MTUS1: variants seen among roughly 807,000 people sequenced by gnomAD.
MTUS1 encodes microtubule associated scaffold protein 1.
A neutral mutation model predicts 120.8 loss-of-function variants in MTUS1; 109 were observed. The observed-to-expected ratio is 0.90, with a 90% confidence interval of 0.77 to 1.06. The LOEUF is 1.06. Ranked by LOEUF, MTUS1 falls within the 50% of genes least tolerant of loss-of-function variation. MTUS1 has a pLI of 0.00. For missense variants in MTUS1, 2,210 were observed against 1,486.3 expected, an observed-to-expected ratio of 1.49 and a Z score of -8.01; for synonymous variants, 737 against 550.5, an observed-to-expected ratio of 1.34 and a Z score of -4.74.
chr8:17,666,517 A>AG (rs1227163806), intron 8 of MTUS1, among the ~76,000 whole-genome samples: 2 of 152,196 alleles, frequency 1.3e-5, no homozygotes, highest in African/African-American at 2.4e-5. Flanking sequence ...ACAACATTCT[A>AG]GGCAGCTAGA....
At chr8:17,688,222 T>C (rs1327364283) in intron 6 of MTUS1, among the ~76,000 whole-genome samples, 2 of 152,210 alleles carry the variant, frequency 1.3e-5, no homozygotes, top group African/African-American at 4.8e-5. Flanking sequence ...ACTCATGAAA[T>C]ATATTTATTA....
intron 4 of MTUS1, 122 bp from the exon 5 acceptor site, chr8:17,716,023 T>G (rs1822260176): frequency 3.6e-6 from 3 of 828,960 alleles, no homozygotes; most frequent in African/African-American, 3.4e-5. Context: ...TGCCAGTCAT[T>G]ACTGAACATT....
chr8:17,703,219 G>C (rs67796776), intron 6 of MTUS1, among the ~76,000 whole-genome samples: 69,716 of 151,962 alleles, frequency 0.46, 17,344 homozygotes, highest in Middle Eastern at 0.63. Context: ...CGTGCGAGTA[G>C]GAGAGATATC....
intron 1 of MTUS1, among the ~76,000 whole-genome samples, chr8:17,793,652 A>G (rs986322646): frequency 9.2e-5 from 14 of 152,212 alleles, no homozygotes; most frequent in Non-Finnish European, 1.5e-5. Flanking sequence ...AAAGGTAACT[A>G]AAGATTCTCA....
At chr8:17,690,645 A>T (rs566920569) in intron 6 of MTUS1, among the ~76,000 whole-genome samples, 3 of 152,244 alleles carry the variant, frequency 2.0e-5, no homozygotes, top group Admixed American at 6.5e-5. Context: ...AACAATAAAT[A>T]AAAAGAGAAC....
intron 3 of MTUS1, among the ~76,000 whole-genome samples, chr8:17,731,454 T>C (rs1245235965): frequency 3.9e-5 from 6 of 152,126 alleles, no homozygotes; most frequent in African/African-American, 1.4e-4. Context: ...CAAAGTACCA[T>C]ACAAATATTA....
At chr8:17,726,674 G>A (rs1359093763) in intron 3 of MTUS1, among the ~76,000 whole-genome samples, 2 of 152,110 alleles carry the variant, frequency 1.3e-5, no homozygotes, top group African/African-American at 2.4e-5. Flanking sequence ...ATTAGCAACT[G>A]TTAGATAGCA....
chr8:17,678,599 G>C (rs1337889379), intron 7 of MTUS1, among the ~76,000 whole-genome samples: 2 of 152,124 alleles, frequency 1.3e-5, no homozygotes, highest in Non-Finnish European at 2.9e-5. Flanking sequence ...AGATGGCTCA[G>C]ACGTGTGCTG....
intron 2 of MTUS1, among the ~76,000 whole-genome samples, chr8:17,744,234 G>A (rs927507565): frequency 3.9e-5 from 6 of 152,082 alleles, no homozygotes; most frequent in South Asian, 2.1e-4. Flanking sequence ...CAGATCTTTG[G>A]TCCCAAAGAA....
chr8:17,746,581 AC>A (rs1407718811), intron 2 of MTUS1, among the ~76,000 whole-genome samples: 1 of 152,096 alleles, frequency 6.6e-6, no homozygotes, highest in Admixed American at 6.5e-5. Flanking sequence ...CTTACTCACT[AC>A]CACAAGAACA....
intron 6 of MTUS1, among the ~76,000 whole-genome samples, chr8:17,688,192 A>G (rs750978380): frequency 6.6e-6 from 1 of 152,230 alleles, no homozygotes; most frequent in African/African-American, 2.4e-5. Flanking sequence ...TTTTGTGTAT[A>G]CTCACTGACC....
At chr8:17,696,207 G>A (rs11203902) in intron 6 of MTUS1, among the ~76,000 whole-genome samples, 63,910 of 151,878 alleles carry the variant, frequency 0.42, 14,707 homozygotes, top group Middle Eastern at 0.58. Flanking sequence ...AAAGGGAGAG[G>A]CTGGCAAAAT....
chr8:17,698,683 G>C (rs891315251), intron 6 of MTUS1, among the ~76,000 whole-genome samples: 5 of 152,112 alleles, frequency 3.3e-5, no homozygotes, highest in Non-Finnish European at 7.4e-5. Context: ...GCAGGGAAGA[G>C]AGAGGGAGGA....
intron 3 of MTUS1, among the ~76,000 whole-genome samples, chr8:17,742,792 G>C (rs1480809866): frequency 6.6e-6 from 1 of 152,142 alleles, no homozygotes; most frequent in Non-Finnish European, 1.5e-5. Flanking sequence ...GGATTTGCTC[G>C]CTTTCATTAG....
intron 3 of MTUS1, among the ~76,000 whole-genome samples, chr8:17,730,077 T>A (rs1050249917): frequency 1.1e-4 from 16 of 151,312 alleles, no homozygotes; most frequent in African/African-American, 3.9e-4. Flanking sequence ...CTAGCGGGAA[T>A]GTAACATGGT....
At chr8:17,657,960 T>C (rs1808796138) in intron 8 of MTUS1, among the ~76,000 whole-genome samples, 1 of 151,612 alleles carries the variant, frequency 6.6e-6, no homozygotes, top group Non-Finnish European at 1.5e-5. Context: ...TATGTATGCA[T>C]ATATACATGC....
intron 8 of MTUS1, chr8:17,663,932 T>C (rs977062251): frequency 3.9e-5 from 6 of 152,232 alleles, no homozygotes; most frequent in African/African-American, 1.4e-4. Flanking sequence ...GTGGAGATAT[T>C]ATTAGTCCCT....
chr8:17,766,961 G>C lies in MTUS1; in HGVS notation c.-154-11000C>G, dbSNP rs1210787572. 1.3e-5 allele frequency among the ~76,000 whole-genome samples: 2 copies of C among 151,986 alleles called. 1 individual carries two copies. Among genetic ancestry groups the C allele is most frequent in the Non-Finnish European group, 2.9e-5 (2 of 68,004 alleles). ...CTTCTTTTAGTAGGTAGACTGAATT[G>C]ACAATCATATGATCAGTATATTTGA... On this transcript the variant is annotated intron_variant, in intron 1 of 14. Coordinates refer to ENST00000693296, the MANE Select transcript of MTUS1 (RefSeq NM_001363059.2).
rs569132167 is a variant in MTUS1 at position 17,789,521 on chromosome 8, C to G, written c.-155+11540G>C. Among the ~76,000 whole-genome samples the G allele has an allele frequency of 9.8e-5, 15 of 152,314 alleles. No individual in the cohort carries two copies. The East Asian group carries it at 1.9e-3, about 20-fold the overall frequency. On this transcript the variant is annotated intron_variant, in intron 1 of 14. Transcript: ENST00000693296. ...TTTAGAAACTTCAGAGTTGTCCTCTCTCTCCAAAGTCCACTTGGTGAAAAG... is the reference window on the plus strand; with the variant it reads ...TTTAGAAACTTCAGAGTTGTCCTCTGTCTCCAAAGTCCACTTGGTGAAAAG...
Sources: allele counts gnomAD v4.1 joint callset (sites outside exome capture counted in the v4.1 genomes callset), GRCh38; gene constraint gnomAD v4.1.1; transcripts MANE v1.5; gene names NCBI Gene and HGNC (gene_info 2026-07-23, HGNC 2026-07-21).